DSCAM: variants seen among roughly 807,000 people sequenced by gnomAD.
DSCAM encodes the protein DS cell adhesion molecule, also known as cell adhesion molecule DSCAM.
A neutral mutation model predicts 217.7 loss-of-function variants in DSCAM; 47 were observed. The ratio of observed to expected loss-of-function variants is 0.22; its 90% CI spans 0.17 to 0.28. The LOEUF (loss-of-function observed/expected upper bound fraction) is 0.28, where lower values mean the gene tolerates loss of function less well. Ranked by LOEUF, DSCAM falls within the 10% of genes least tolerant of loss-of-function variation. The pLI, the probability that DSCAM is intolerant of heterozygous loss-of-function variation, is 1.00. For synonymous variants in DSCAM, 1,056 were observed against 1,015.3 expected (o/e 1.04, Z -0.76); for missense variants, 2,080 against 2,618.3 (o/e 0.79, Z 4.49).
At chr21:40,644,048 G>A (rs958597243) in intron 3 of DSCAM, among the ~76,000 whole-genome samples, 7 of 152,108 alleles carry the variant, frequency 4.6e-5, no homozygotes, top group Admixed American at 3.9e-4. Flanking sequence ...AACTTCCCAA[G>A]CCCCAGCCCA....
At chr21:40,790,529 T>C (rs1381385462) in intron 1 of DSCAM, among the ~76,000 whole-genome samples, 1 of 152,238 alleles carries the variant, frequency 6.6e-6, no homozygotes. Context: ...TGAAATTGCT[T>C]TGAGAATTCA....
intron 32 of DSCAM, among the ~76,000 whole-genome samples, chr21:40,021,200 C>G (rs117918539): frequency 8.9e-6 from 1 of 112,722 alleles, no homozygotes; most frequent in African/African-American, 3.4e-5. Flanking sequence ...AGCGAGACTC[C>G]GTCTCAAAAA....
At chr21:40,788,353 A>T (rs1036240382) in intron 1 of DSCAM, among the ~76,000 whole-genome samples, 10 of 152,288 alleles carry the variant, frequency 6.6e-5, no homozygotes, top group Admixed American at 2.6e-4. Flanking sequence ...TTTGTTTGTA[A>T]GTAAATTTGG....
At chr21:40,572,872 C>G (rs1362147176) in intron 3 of DSCAM, among the ~76,000 whole-genome samples, 1 of 152,096 alleles carries the variant, frequency 6.6e-6, no homozygotes, top group African/African-American at 2.4e-5. Context: ...AATCAAAGAA[C>G]ATAGGAGATT....
intron 5 of DSCAM, among the ~76,000 whole-genome samples, chr21:40,353,176 A>C (rs2074652031): frequency 6.6e-6 from 1 of 152,196 alleles, no homozygotes; most frequent in Non-Finnish European, 1.5e-5. Context: ...GTTATCTTGA[A>C]ATCATATCTT....
chr21:40,579,705 T>C (rs1299038517), intron 3 of DSCAM, among the ~76,000 whole-genome samples: 1 of 152,258 alleles, frequency 6.6e-6, no homozygotes, highest in Non-Finnish European at 1.5e-5. Context: ...ACAAAAATTC[T>C]GAAGGAAAAT....
intron 11 of DSCAM, among the ~76,000 whole-genome samples, chr21:40,209,317 AT>A (rs1336157265): frequency 6.6e-6 from 1 of 152,190 alleles, no homozygotes; most frequent in Non-Finnish European, 1.5e-5. Context: ...TTTGAGCAAA[AT>A]GCCAAGAAGA....
chr21:40,635,867 T>C (rs533127915), intron 3 of DSCAM, among the ~76,000 whole-genome samples: 18 of 152,338 alleles, frequency 1.2e-4, no homozygotes, highest in African/African-American at 4.1e-4. Flanking sequence ...TCTAAATATG[T>C]GTTGCTGACT....
intron 32 of DSCAM, among the ~76,000 whole-genome samples, chr21:40,014,416 CA>C (rs769477472): frequency 5.3e-5 from 8 of 149,872 alleles, no homozygotes; most frequent in African/African-American, 2.0e-4. Flanking sequence ...ACAAAACAAA[CA>C]AAAAACCCAA....
At chr21:40,681,204 C>T (rs1290687878) in intron 3 of DSCAM, among the ~76,000 whole-genome samples, 3 of 152,208 alleles carry the variant, frequency 2.0e-5, no homozygotes, top group African/African-American at 4.8e-5. Flanking sequence ...CCCAATAAAC[C>T]GTGGCACCCG....
chr21:40,410,094 G>A (rs1254129764), intron 3 of DSCAM, among the ~76,000 whole-genome samples: 4 of 151,674 alleles, frequency 2.6e-5, no homozygotes, highest in Non-Finnish European at 4.4e-5. Flanking sequence ...ATTAAAACAC[G>A]GATCATAAAT....
rs149651628 is a variant in DSCAM, at chr21:40,822,652, G to A, written c.43+23967C>T. 3.5e-3 allele frequency among the ~76,000 whole-genome samples: 531 copies of A among 152,116 alleles called. 7 individuals carry two copies. The highest frequency in any genetic ancestry group is 0.012 in the African/African-American group (503 of 41,498). On this transcript the variant is annotated intron_variant, in intron 1 of 32. Transcript: ENST00000400454. ...TGAGTTTACACTGGTTTCATCTTCG[G>A]TCATTAATAACATTAGTAACATTCT... is the stretch of plus-strand genomic sequence containing the variant.
chr21:40,600,360 T>A (rs149541662), intron 3 of DSCAM, among the ~76,000 whole-genome samples: 38 of 152,270 alleles, frequency 2.5e-4, no homozygotes, highest in African/African-American at 8.4e-4. Context: ...TCTTGCTACG[T>A]CCTCACATGG....
chr21:40,687,529 T>TC (rs944525702), intron 3 of DSCAM, among the ~76,000 whole-genome samples: 2 of 151,518 alleles, frequency 1.3e-5, no homozygotes, highest in South Asian at 2.1e-4. Context: ...GACCCTCAGG[T>TC]CCCCCCGACA....
intron 3 of DSCAM, among the ~76,000 whole-genome samples, chr21:40,663,326 G>A (rs903501860): frequency 4.6e-5 from 7 of 151,900 alleles, no homozygotes; most frequent in Non-Finnish European, 1.0e-4. Flanking sequence ...GTGTAAGAGA[G>A]TATGTGTGTG....
At chr21:40,166,053 G>C (rs2090591728) in intron 16 of DSCAM, among the ~76,000 whole-genome samples, 1 of 152,102 alleles carries the variant, frequency 6.6e-6, no homozygotes, top group East Asian at 1.9e-4. Flanking sequence ...GACACAAAGG[G>C]GCTCGCTGCA....
At chr21:40,267,768 T>C (rs1601501377) in intron 11 of DSCAM, among the ~76,000 whole-genome samples, 1 of 151,954 alleles carries the variant, frequency 6.6e-6, no homozygotes, top group Non-Finnish European at 1.5e-5. Flanking sequence ...TGGTGGCAGG[T>C]GCCTGTAAGT....
At chr21:40,770,794 TAAG>T (rs913322145) in intron 1 of DSCAM, among the ~76,000 whole-genome samples, 3 of 152,204 alleles carry the variant, frequency 2.0e-5, no homozygotes, top group Non-Finnish European at 4.4e-5. Context: ...ATGTGGCTGG[TAAG>T]AAGAACAGAG....
chr21:40,840,556 C>T (rs951638384), intron 1 of DSCAM, among the ~76,000 whole-genome samples: 1 of 152,078 alleles, frequency 6.6e-6, no homozygotes, highest in Non-Finnish European at 1.5e-5. Flanking sequence ...ACCCACTGCA[C>T]GGCAGGAAGA....
Sources: gnomAD v4.1 joint callset for allele counts (sites outside exome capture counted in the v4.1 genomes callset) on GRCh38, gnomAD v4.1.1 for gene constraint, MANE v1.5 for transcripts, NCBI Gene and HGNC (gene_info 2026-07-23, HGNC 2026-07-21) for gene names.